Variants in RALGPS2 observed in about 807,000 individuals in gnomAD.
The protein encoded by RALGPS2 is ras-specific guanine nucleotide-releasing factor RalGPS2.
RALGPS2 carries 43 observed loss-of-function variants against 86.8 expected under a neutral mutation model. The ratio of observed to expected loss-of-function variants is 0.50; its 90% confidence interval spans 0.39 to 0.64. RALGPS2 has a LOEUF of 0.64. Among genes scored for constraint, RALGPS2 ranks in the 30% least tolerant of loss-of-function variants. The pLI is 0.00. For missense variants in RALGPS2, 536 were observed against 694.6 expected (o/e 0.77, Z 2.57); for synonymous variants, 243 against 231.3 (o/e 1.05, Z -0.46).
intron 8 of RALGPS2, among the ~76,000 whole-genome samples, chr1:178,861,223 C>G (rs1053986759): frequency 6.6e-6 from 1 of 151,640 alleles, no homozygotes; most frequent in Non-Finnish European, 1.5e-5. Context: ...CAGATTATCC[C>G]TTTGAATTTA....
chr1:178,883,349 G>A (rs1659342985), intron 10 of RALGPS2, 117 bp from the exon 11 acceptor site: 5 of 766,074 alleles, frequency 6.5e-6, no homozygotes, highest in Admixed American at 2.3e-5. Flanking sequence ...AAAGTATATA[G>A]GTCAGATTAT....
intron 8 of RALGPS2, among the ~76,000 whole-genome samples, chr1:178,854,423 A>G (rs754348868): frequency 1.2e-4 from 19 of 152,182 alleles, no homozygotes; most frequent in Non-Finnish European, 2.6e-4. Context: ...GAAATTCTCA[A>G]TGTACATTCA....
Position 178,747,278 on chromosome 1 carries a change from G to T in RALGPS2, c.-84+21859G>T, listed in dbSNP as rs1007002215. 9.9e-6 allele frequency: 15 copies of T among 1,516,024 alleles called. No homozygotes were observed. The African/African-American group carries it at 2.1e-4, about 21-fold the overall frequency. 93.9% of individuals were successfully genotyped at this position (1,516,024 alleles called of 1,614,324 possible). On this transcript the variant is annotated intron_variant, in intron 1 of 19. Transcript: ENST00000367635. ...TTTAAACAAGAAATTGAGAAATGAA[G>T]CTGGTGATTGAGGGACTCCAAAATC... is the stretch of plus-strand genomic sequence containing the variant.
At chr1:178,762,791 T>C (rs1238897654) in intron 1 of RALGPS2, among the ~76,000 whole-genome samples, 1 of 152,230 alleles carries the variant, frequency 6.6e-6, no homozygotes, top group Non-Finnish European at 1.5e-5. Flanking sequence ...TCTTCCATTC[T>C]CTAGGGTATC....
At chr1:178,766,526 G>A (rs1652516365) in intron 1 of RALGPS2, among the ~76,000 whole-genome samples, 1 of 152,254 alleles carries the variant, frequency 6.6e-6, no homozygotes, top group East Asian at 1.9e-4. Flanking sequence ...ACCGCACCTA[G>A]TCAGTGTGTC....
At chr1:178,847,257 C>G (rs888859486) in intron 8 of RALGPS2, among the ~76,000 whole-genome samples, 2 of 152,132 alleles carry the variant, frequency 1.3e-5, no homozygotes, top group African/African-American at 4.8e-5. Context: ...ACTAGCCTGG[C>G]CAATTTGGTG....
chr1:178,876,502 A>T (rs1252434729), intron 8 of RALGPS2, among the ~76,000 whole-genome samples: 1 of 152,182 alleles, frequency 6.6e-6, no homozygotes, highest in Non-Finnish European at 1.5e-5. Context: ...GAATATTGAC[A>T]CCGAATTAGA....
At chr1:178,747,741 A>G in intron 1 of RALGPS2, 1 of 1,144,414 alleles carries the variant, frequency 8.7e-7, no homozygotes, top group South Asian at 1.3e-5. Flanking sequence ...CTCCCACTTG[A>G]TGGTGGTGGG....
rs1392703652 is a variant in RALGPS2 at position 178,859,827 on chromosome 1, C to A, written c.608-17671C>A. Among the ~76,000 whole-genome samples the A allele has an allele frequency of 6.0e-4, 54 of 89,344 alleles. 1 individual carries two copies. The highest frequency in any genetic ancestry group is 4.7e-3 in the Middle Eastern group (1 of 214). 58.6% of individuals were successfully genotyped at this position (89,344 alleles called of 152,430 possible). ...ATTCTCCTGCCTCTGCCCGCCCCCC[C>A]CCCCCCAACCGCCCAAGTAGCTGGG... On this transcript the variant is annotated intron_variant, in intron 8 of 19. Coordinates refer to ENST00000367635, the MANE Select transcript of RALGPS2 (RefSeq NM_152663.5).
In RALGPS2 at chr1:178,805,222, G is replaced by A. The variant is rs578136363; in HGVS notation, c.214-2823G>A. Among the ~76,000 whole-genome samples, 426 of 147,280 alleles carry A rather than the reference G, an allele frequency of 2.9e-3. 4 individuals are homozygous for A. The highest frequency in any genetic ancestry group is 9.9e-3 in the African/African-American group (382 of 38,486). ...GGTTGCAAAAATTTTCTCCCATTTT[G>A]TAGGTTGCCTGTTCACTCTGATGGT... On this transcript the variant is annotated intron_variant, in intron 4 of 19. Coordinates refer to ENST00000367635, the MANE Select transcript of RALGPS2 (RefSeq NM_152663.5).
At chr1:178,736,032 A>G (rs1650680620) in intron 1 of RALGPS2, among the ~76,000 whole-genome samples, 1 of 152,056 alleles carries the variant, frequency 6.6e-6, no homozygotes. Context: ...TTGGAGGTTA[A>G]GTATGTTTGC....
chr1:178,888,342 C>T (rs1222540038), intron 13 of RALGPS2, among the ~76,000 whole-genome samples: 2 of 152,026 alleles, frequency 1.3e-5, no homozygotes, highest in African/African-American at 4.8e-5. Context: ...GAGTTTTTCC[C>T]TCAGCTTTAA....
At position 178,784,418 on chromosome 1, in the gene RALGPS2, A is replaced by G. The variant is rs1289253355; in HGVS notation, c.58A>G (p.Lys20Glu). ...SVNIAATASE[K>E]SSSSESLSDK... The stretch of plus-strand genomic sequence containing the variant: ...GCTGCATTTTCTTTCACTTTAACAG[A>G]AAAGTAGCAGCTCTGAATCCTTAAG... Residue 20 changes from lysine to glutamate, a missense_variant and splice_region_variant, in exon 3 of 20, where the codon AAA becomes GAA. Around this residue, in one of 3 missense-constraint regions of RALGPS2, gnomAD observed 43 missense variants for 34.9 expected, o/e 1.23. Coordinates refer to ENST00000367635, the MANE Select transcript of RALGPS2 (RefSeq NM_152663.5). The G allele has an allele frequency of 1.9e-6, 3 of 1,594,884 alleles. No individual in the cohort carries two copies. In the South Asian group the frequency reaches 3.4e-5, roughly 18 times the overall value.
chr1:178,752,349 G>GGGGC, intron 1 of RALGPS2, among the ~76,000 whole-genome samples: 1 of 151,060 alleles, frequency 6.6e-6, no homozygotes, highest in African/African-American at 2.4e-5. Flanking sequence ...TGGTGGCGGG[G>GGGGC]GGGAGGGTCT....
intron 1 of RALGPS2, among the ~76,000 whole-genome samples, chr1:178,748,979 A>G (rs1439579542): frequency 1.3e-5 from 2 of 152,016 alleles, no homozygotes; most frequent in Non-Finnish European, 2.9e-5. Flanking sequence ...ACCTATATAT[A>G]AAGGTTTTTT....
chr1:178,735,358 C>G (rs982148759), intron 1 of RALGPS2, among the ~76,000 whole-genome samples: 1 of 151,564 alleles, frequency 6.6e-6, no homozygotes, highest in Non-Finnish European at 1.5e-5. Context: ...GGAGTTGGGG[C>G]TGGAAAGGTA....
intron 8 of RALGPS2, among the ~76,000 whole-genome samples, chr1:178,868,496 A>G (rs1044099939): frequency 1.3e-5 from 2 of 151,974 alleles, no homozygotes; most frequent in African/African-American, 4.8e-5. Flanking sequence ...GTAATATAAA[A>G]CTCTAAAACA....
chr1:178,826,921 G>T (rs58049063), intron 7 of RALGPS2, among the ~76,000 whole-genome samples: 1 of 152,112 alleles, frequency 6.6e-6, no homozygotes, highest in Non-Finnish European at 1.5e-5. Flanking sequence ...GGGAGCAATA[G>T]CCCATGTTCA....
intron 1 of RALGPS2, among the ~76,000 whole-genome samples, chr1:178,766,155 G>A (rs1055712863): frequency 3.3e-5 from 5 of 152,188 alleles, no homozygotes; most frequent in Non-Finnish European, 5.9e-5. Context: ...GTAAAGACAG[G>A]TGTAAGAATG....
Sources: allele counts gnomAD v4.1 joint callset (sites outside exome capture counted in the v4.1 genomes callset), GRCh38; gene constraint gnomAD v4.1.1; regional missense constraint gnomAD v4.1.1; transcripts MANE v1.5; gene names NCBI Gene and HGNC (gene_info 2026-07-23, HGNC 2026-07-21).